The following LINGO2 variants were observed in gnomAD, a reference collection of about 807,000 sequenced individuals.
LINGO2 encodes leucine rich repeat and Ig domain containing 2, also known as leucine-rich repeat and immunoglobulin-like domain-containing nogo receptor-interacting protein 2.
LINGO2 carries 14 observed loss-of-function variants against 30.6 expected under a neutral mutation model. The ratio of observed to expected loss-of-function variants is 0.46; its 90% CI spans 0.30 to 0.72. The LOEUF (loss-of-function observed/expected upper bound fraction) is 0.72, where lower values mean the gene tolerates loss of function less well. LINGO2 is among the 30% of genes least tolerant of loss of function. LINGO2 has a pLI of 0.07. For synonymous variants in LINGO2, 317 were observed against 288.5 expected (o/e 1.10, Z -1.00); for missense variants, 729 against 751.7 (o/e 0.97, Z 0.35).
At chr9:29,067,575 C>T in the LINGO2 span, among the ~76,000 whole-genome samples, 7 of 151,098 alleles carry the variant, frequency 4.6e-5, no homozygotes, top group Admixed American at 6.6e-5. Flanking sequence ...AAAGTGAACA[C>T]GCAAATAATT....
rs1554650628 is a variant in LINGO2, at chr9:27,990,463, C to CCCG, written c.-36+21891_-36+21892insCGG. 7.4e-4 allele frequency among the ~76,000 whole-genome samples: 6 copies of CCCG among 8,128 alleles called. No individual in the cohort carries two copies. In the East Asian group the frequency reaches 0.012, roughly 16 times the overall value. 5.3% of individuals were successfully genotyped at this position (8,128 alleles called of 152,430 possible). A position where few individuals can be genotyped will look rare whatever the true frequency, so the allele number is the denominator to read the frequency against. On this transcript the variant is annotated intron_variant, in intron 5 of 5. Coordinates refer to ENST00000379992, the Ensembl canonical transcript of LINGO2. Reference sequence around the variant, plus strand: ...AAGCATCACTTCAGTGGTCTCAATACCCCCCCCCCTTTTATTTTTAACTTC... The same window carrying CCCG: ...AAGCATCACTTCAGTGGTCTCAATACCCGCCCCCCCCCTTTTATTTTTAACTTC...
chr9:28,020,269 A>C (rs1384829118), intron 4 of LINGO2, among the ~76,000 whole-genome samples: 2 of 152,098 alleles, frequency 1.3e-5, no homozygotes, highest in Non-Finnish European at 2.9e-5. Flanking sequence ...TTATACAATA[A>C]ACTAGAAAGT....
At chr9:29,012,413 G>A in the LINGO2 span, among the ~76,000 whole-genome samples, 4 of 151,990 alleles carry the variant, frequency 2.6e-5, no homozygotes, top group Admixed American at 6.6e-5. Context: ...GAACTTAAAC[G>A]GTTGCCTAAG....
chr9:28,775,106 G>C, the LINGO2 span, among the ~76,000 whole-genome samples: 6 of 152,196 alleles, frequency 3.9e-5, no homozygotes, highest in African/African-American at 1.4e-4. Context: ...AGTGAGCATA[G>C]GAGGCAAAAC....
the LINGO2 span, among the ~76,000 whole-genome samples, chr9:29,124,927 T>A: frequency 1.3e-5 from 2 of 152,080 alleles, no homozygotes; most frequent in Non-Finnish European, 1.5e-5. Flanking sequence ...ACCCAAATGA[T>A]TATAAATCAT....
At chr9:28,240,648 T>C (rs954199627) in intron 4 of LINGO2, among the ~76,000 whole-genome samples, 12 of 152,026 alleles carry the variant, frequency 7.9e-5, no homozygotes, top group Non-Finnish European at 1.6e-4. Flanking sequence ...CAAAACAAAA[T>C]AGATTAAAGA....
chr9:29,057,034 T>C, the LINGO2 span, among the ~76,000 whole-genome samples: 1 of 152,180 alleles, frequency 6.6e-6, no homozygotes, highest in African/African-American at 2.4e-5. Flanking sequence ...CCAGATCTGT[T>C]CTATTTGTTT....
At chr9:28,323,549 G>C (rs909887934) in intron 3 of LINGO2, among the ~76,000 whole-genome samples, 2 of 152,120 alleles carry the variant, frequency 1.3e-5, no homozygotes, top group African/African-American at 4.8e-5. Context: ...GCACTGAGCT[G>C]AGATCACGTC....
At chr9:28,516,095 T>C (rs1820607885) in intron 1 of LINGO2, among the ~76,000 whole-genome samples, 1 of 152,196 alleles carries the variant, frequency 6.6e-6, no homozygotes, top group Admixed American at 6.5e-5. Flanking sequence ...TTATGGTATA[T>C]ACATTTTTAA....
At chr9:28,566,341 A>G (rs986273831) in intron 1 of LINGO2, among the ~76,000 whole-genome samples, 2 of 152,202 alleles carry the variant, frequency 1.3e-5, no homozygotes, top group African/African-American at 4.8e-5. Context: ...GTCTGGTGAC[A>G]TAATTGTCCC....
chr9:28,721,127 C>T, the LINGO2 span, among the ~76,000 whole-genome samples: 4 of 152,232 alleles, frequency 2.6e-5, no homozygotes, highest in East Asian at 5.8e-4. Flanking sequence ...GAGATATCTT[C>T]TCATGCCAGT....
chr9:28,350,876 G>C (rs945105393), intron 3 of LINGO2, among the ~76,000 whole-genome samples: 2 of 151,956 alleles, frequency 1.3e-5, no homozygotes, highest in Admixed American at 6.6e-5. Context: ...CATGGAAACT[G>C]AACAACCTGC....
chr9:29,145,782 T>C, the LINGO2 span, among the ~76,000 whole-genome samples: 1 of 152,190 alleles, frequency 6.6e-6, no homozygotes, highest in East Asian at 1.9e-4. Flanking sequence ...GATTTTGTTT[T>C]CCATTTCATT....
the LINGO2 span, among the ~76,000 whole-genome samples, chr9:28,896,986 A>T: frequency 9.1e-4 from 139 of 152,280 alleles, no homozygotes; most frequent in Middle Eastern, 0.014. Flanking sequence ...ACTAATACGC[A>T]GCTTACAATA....
chr9:29,199,816 G>C, the LINGO2 span, among the ~76,000 whole-genome samples: 209 of 152,070 alleles, frequency 1.4e-3, 1 homozygote, highest in African/African-American at 4.9e-3. Context: ...CATAGCGCAG[G>C]TTTGAATGAA....
intron 3 of LINGO2, among the ~76,000 whole-genome samples, chr9:28,325,647 T>C (rs13301473): frequency 0.15 from 23,425 of 152,216 alleles, 2,421 homozygotes; most frequent in Non-Finnish European, 0.22. Context: ...CTGTCTCGTC[T>C]GTCACCATGT....
chr9:29,100,912 A>T, the LINGO2 span, among the ~76,000 whole-genome samples: 2 of 152,188 alleles, frequency 1.3e-5, no homozygotes, highest in Non-Finnish European at 2.9e-5. Flanking sequence ...GAAACTGCGG[A>T]GAAAAAAAGG....
intron 4 of LINGO2, among the ~76,000 whole-genome samples, chr9:28,269,121 T>G (rs1402424652): frequency 1.3e-5 from 2 of 152,132 alleles, no homozygotes; most frequent in African/African-American, 2.4e-5. Context: ...TTTTTCTAGA[T>G]TTTTGTGAGC....
At chr9:28,584,797 C>A (rs995656319) in intron 1 of LINGO2, among the ~76,000 whole-genome samples, 7 of 152,086 alleles carry the variant, frequency 4.6e-5, no homozygotes, top group African/African-American at 1.7e-4. Flanking sequence ...CATGAGAATG[C>A]TATTATTTTG....
Sources: gnomAD v4.1 joint callset for allele counts (sites outside exome capture counted in the v4.1 genomes callset) on GRCh38, gnomAD v4.1.1 for gene constraint, MANE v1.5 for transcripts, NCBI Gene and HGNC (gene_info 2026-07-23, HGNC 2026-07-21) for gene names.